ZNF836: variants seen among roughly 807,000 people sequenced by gnomAD.
ZNF836 encodes the protein zinc finger protein 836.
A neutral mutation model predicts 7.4 loss-of-function variants in ZNF836; 12 were observed. The observed-to-expected ratio is 1.61, with a 90% CI of 1.03 to 2.61. ZNF836 has a LOEUF of 2.61. Ranked by LOEUF, ZNF836 falls within the 30% of genes most tolerant of loss-of-function variation. The pLI is 0.00. For missense variants in ZNF836, 998 were observed against 1,126.2 expected (o/e 0.89, Z 1.63); for synonymous variants, 365 against 382.6 (o/e 0.95, Z 0.54).
rs2089141257 is a variant in ZNF836, at chr19:52,155,241, G to C, written c.2442C>G (p.Ala814=). 1 of 1,613,666 alleles carries C rather than the reference G, an allele frequency of 6.2e-7. No homozygotes were observed. The highest frequency in any genetic ancestry group is 1.3e-5 in the African/African-American group (1 of 74,820). The change falls in exon 5 of 5, where the codon GCC becomes GCG. Residue 814 remains alanine, a synonymous_variant. Transcript: ENST00000682614. ...TAACCAGAATTGAACGCACTCTAAAGGCTTTGCCACACTCATTACACACGT... is the reference window on the plus strand; with the variant it reads ...TAACCAGAATTGAACGCACTCTAAACGCTTTGCCACACTCATTACACACGT... ...KPYVCNECGK[A]FRVRSILVNH...
Position 52,155,895 on chromosome 19 carries a change from G to A in ZNF836, c.1788C>T (p.Cys596=), listed in dbSNP as rs1490578808. Residue 596 remains cysteine (C), a synonymous_variant, in exon 5 of 5, where the codon TGC becomes TGT. Transcript: ENST00000682614. The stretch of plus-strand genomic sequence containing the variant: ...TATGAATTCTTAGATGACGTGCTAG[G>A]CATGAGTAGTTCCTGAAGACTGTGC... ...ECGTVFRNYS[C]LARHLRIHTG... is the part of the protein sequence containing the mutation. The A allele has an allele frequency of 1.2e-6, 2 of 1,613,898 alleles. No homozygotes were observed. The highest frequency in any genetic ancestry group is 1.7e-5 in the Admixed American group (1 of 60,004).
Position 52,154,782 on chromosome 19 carries a change from C to A in ZNF836, c.*90G>T. On this transcript the variant is annotated 3_prime_UTR_variant, in exon 5 of 5. Transcript: ENST00000682614. ...CCCCTGTGATCCAATCATCTCCCAC[C>A]AGGCCCCACCTCCAATAAAGGGGAT... 2 of 1,204,112 alleles carry A rather than the reference C, an allele frequency of 1.7e-6. No homozygotes were observed. Among genetic ancestry groups the A allele is most frequent in the Non-Finnish European group, 2.3e-6 (2 of 886,020 alleles). 74.6% of individuals were successfully genotyped at this position (1,204,112 alleles called of 1,614,324 possible).
chr19:52,162,523 A>G (rs1404766243), intron 3 of ZNF836, among the ~76,000 whole-genome samples: 1 of 152,234 alleles, frequency 6.6e-6, no homozygotes, highest in African/African-American at 2.4e-5. Context: ...GGTGGACTGA[A>G]CAAAGCGGGT....
intron 2 of ZNF836, among the ~76,000 whole-genome samples, chr19:52,168,431 T>A (rs2089283743): frequency 2.0e-5 from 3 of 151,862 alleles, no homozygotes; most frequent in African/African-American, 7.3e-5. Flanking sequence ...CTACTAAAAA[T>A]ACAAAAATTA....
rs771248457 is a variant in ZNF836, at chr19:52,160,515, G to C, written c.92C>G (p.Ala31Gly). 2 of 1,614,108 alleles carry C rather than the reference G, an allele frequency of 1.2e-6. No homozygotes were observed. Among genetic ancestry groups the C allele is most frequent in the African/African-American group, 1.3e-5 (1 of 75,046 alleles). The change falls in exon 4 of 5, where the codon GCT becomes GGT. Residue 31 changes from alanine to glycine, a missense_variant. Physicochemically the swap from Ala to Gly is moderately conservative, Grantham distance 60 (BLOSUM62 0). Transcript: ENST00000682614. Reference sequence around the variant, plus strand: ...CTCCAACATCACATCCCAGTACAAAGCTTTCTGCACAGGGTCCAGGGATTT... The same window carrying C: ...CTCCAACATCACATCCCAGTACAAACCTTTCTGCACAGGGTCCAGGGATTT... ...EWKSLDPVQK[A>G]LYWDVMLENY...
In ZNF836 at chr19:52,157,073, A is replaced by AG; in HGVS notation, c.609_610insC (p.Pro205ThrfsTer5). 4 of 1,613,992 alleles carry AG rather than the reference A, an allele frequency of 2.5e-6. No homozygotes were observed. The highest frequency in any genetic ancestry group is 3.4e-6 in the Non-Finnish European group (4 of 1,179,882). On this transcript the variant is annotated frameshift_variant, in exon 5 of 5. Coordinates refer to ENST00000682614, the MANE Select transcript of ZNF836 (RefSeq NM_001102657.3). LOFTEE classifies it low-confidence loss of function (END_TRUNC). ...TGTGTTTTCTCAAGTTGGGTGGGTA[A>AG]TGACAGCTGCAAAAACTCATTCTCA...
chr19:52,169,753 A>C lies in ZNF836; in HGVS notation c.-186T>G, dbSNP rs1451061082. 1 of 151,408 alleles carries C rather than the reference A, an allele frequency of 6.6e-6. No homozygotes were observed. Among genetic ancestry groups the C allele is most frequent in the African/African-American group, 2.4e-5 (1 of 41,084 alleles). The allele number at this position is 151,408 out of a possible 1,614,324, so 9.4% of individuals were successfully genotyped here. On this transcript the variant is annotated 5_prime_UTR_variant, in exon 2 of 5. Transcript: ENST00000682614. ...GGCTGCAGTGAGCGGAGATCATGGC[A>C]CTGTACTCTAGTCTGACAGAGCAAG...
chr19:52,157,280 T>C lies in ZNF836; in HGVS notation c.403A>G (p.Lys135Glu). 1 of 1,605,850 alleles carries C rather than the reference T, an allele frequency of 6.2e-7. No homozygotes were observed. Among genetic ancestry groups the C allele is most frequent in the Non-Finnish European group, 8.5e-7 (1 of 1,174,956 alleles). Residue 135 changes from lysine to glutamate, a missense_variant, in exon 5 of 5, where the codon AAA becomes GAA. Lys to Glu is a moderately conservative substitution (Grantham distance 56). Transcript: ENST00000682614. ...GQHSQEDVEN[K>E]CIENQLTLSF... ...AATGTAAGCTGATTTTCAATACATT[T>C]GTTTTCTACATCCTCTTGACTATGT... is the stretch of plus-strand genomic sequence containing the variant.
chr19:52,170,640 C>T (rs2089300486), intron 1 of ZNF836, among the ~76,000 whole-genome samples: 1 of 152,146 alleles, frequency 6.6e-6, no homozygotes, highest in Non-Finnish European at 1.5e-5. Flanking sequence ...GCTTTCCTCC[C>T]CCTGCTTCTT....
chr19:52,164,750 ATTACT>A (rs1469189086), intron 3 of ZNF836, among the ~76,000 whole-genome samples: 1 of 152,222 alleles, frequency 6.6e-6, no homozygotes, highest in Non-Finnish European at 1.5e-5. Context: ...TATATATAAC[ATTACT>A]TAACTGTAAG....
Position 52,155,098 on chromosome 19 carries a change from T to C in ZNF836, c.2585A>G (p.Tyr862Cys), listed in dbSNP as rs1407293234. 1 of 1,614,238 alleles carries C rather than the reference T, an allele frequency of 6.2e-7. No homozygotes were observed. ...GGCCTTGCCACATTCAATACATTTG[T>C]ATGGCTTCTCTCCAGTGTGATTTCT... is the stretch of plus-strand genomic sequence containing the variant. ...HQRNHTGEKPYKCIECGKAFG... is the reference protein window; with the variant it reads ...HQRNHTGEKPCKCIECGKAFG... Residue 862 changes from tyrosine to cysteine, a missense_variant, in exon 5 of 5, where the codon TAC (tyrosine) becomes TGC (cysteine). Tyr to Cys is a radical substitution (Grantham distance 194, BLOSUM62 -2). Coordinates refer to ENST00000682614, the MANE Select transcript of ZNF836 (RefSeq NM_001102657.3).
chr19:52,163,771 A>G (rs1232633615), intron 3 of ZNF836, among the ~76,000 whole-genome samples: 3 of 152,172 alleles, frequency 2.0e-5, no homozygotes, highest in African/African-American at 7.2e-5. Context: ...ACACGGAAAG[A>G]CACTAGGTAA....
At chr19:52,167,085 G>T (rs8111199) in intron 3 of ZNF836, among the ~76,000 whole-genome samples, 94,486 of 151,418 alleles carry the variant, frequency 0.62, 29,869 homozygotes, top group Middle Eastern at 0.66. Flanking sequence ...AAACAACTGC[G>T]AAGAGTCCCA....
At chr19:52,166,150 C>G (rs2089261882) in intron 3 of ZNF836, among the ~76,000 whole-genome samples, 1 of 152,046 alleles carries the variant, frequency 6.6e-6, no homozygotes, top group African/African-American at 2.4e-5. Context: ...CGCCACCACG[C>G]CAGGCTAATT....
intron 3 of ZNF836, among the ~76,000 whole-genome samples, chr19:52,164,916 C>T (rs573777088): frequency 1.3e-5 from 2 of 152,024 alleles, no homozygotes; most frequent in South Asian, 2.1e-4. Flanking sequence ...GGTGAAACCC[C>T]CTCTCTCTGA....
At chr19:52,158,871 C>T (rs1327122629) in intron 4 of ZNF836, among the ~76,000 whole-genome samples, 1 of 152,132 alleles carries the variant, frequency 6.6e-6, no homozygotes, top group Non-Finnish European at 1.5e-5. Flanking sequence ...GGGTCCTAAT[C>T]CTCAATGTAA....
chr19:52,164,642 T>C (rs185589389), intron 3 of ZNF836, among the ~76,000 whole-genome samples: 13 of 151,662 alleles, frequency 8.6e-5, no homozygotes, highest in Non-Finnish European at 1.2e-4. Context: ...ACAAAAACTA[T>C]AAAAAACAGA....
In ZNF836 at chr19:52,155,612, C is replaced by T; in HGVS notation, c.2071G>A (p.Glu691Lys). The T allele has an allele frequency of 1.2e-6, 2 of 1,614,070 alleles. No homozygotes were observed. Among genetic ancestry groups the T allele is most frequent in the Non-Finnish European group, 1.7e-6 (2 of 1,179,988 alleles). Residue 691 changes from glutamate (E) to lysine (K), a missense_variant, in exon 5 of 5, where the codon GAG (glutamate) becomes AAG (lysine). Physicochemically the swap from Glu to Lys is moderately conservative, Grantham distance 56. Transcript: ENST00000682614. The part of the protein sequence containing the change: ...LTKHLIIHTG[E>K]KPYNCNEFGG... ...AACTCATTACAATTGTAAGGTTTCT[C>T]TCCAGTATGAATTATCAGATGTTTA... is the stretch of plus-strand genomic sequence containing the variant.
intron 3 of ZNF836, among the ~76,000 whole-genome samples, chr19:52,164,917 C>G (rs2089249350): frequency 6.6e-6 from 1 of 152,024 alleles, no homozygotes; most frequent in Non-Finnish European, 1.5e-5. Context: ...GTGAAACCCC[C>G]TCTCTCTGAA....
Sources: gnomAD v4.1 joint callset for allele counts (sites outside exome capture counted in the v4.1 genomes callset) on GRCh38, gnomAD v4.1.1 for gene constraint, MANE v1.5 for transcripts, NCBI Gene and HGNC (gene_info 2026-07-23, HGNC 2026-07-21) for gene names.